Variants in GALNTL6 observed in about 807,000 individuals in gnomAD.
GALNTL6 encodes the protein polypeptide N-acetylgalactosaminyltransferase like 6, also known as polypeptide N-acetylgalactosaminyltransferase-like 6.
In GALNTL6, 46 loss-of-function variants were observed where a neutral mutation model predicts 73.7. The ratio of observed to expected loss-of-function variants is 0.62; its 90% confidence interval spans 0.49 to 0.80. GALNTL6 has a LOEUF of 0.80. Among genes scored for constraint, GALNTL6 ranks in the 30% least tolerant of loss-of-function variants. The pLI is 0.00. For synonymous variants in GALNTL6, 259 were observed against 263.7 expected (o/e 0.98, Z 0.17); for missense variants, 604 against 755.0 (o/e 0.80, Z 2.34).
chr4:172,304,732 T>C (rs1339762382), intron 3 of GALNTL6, among the ~76,000 whole-genome samples: 1 of 152,204 alleles, frequency 6.6e-6, no homozygotes, highest in Non-Finnish European at 1.5e-5. Flanking sequence ...TCTTAAGAGA[T>C]CTCTATTTAG....
intron 2 of GALNTL6, among the ~76,000 whole-genome samples, chr4:171,896,826 A>G (rs1031436506): frequency 2.6e-5 from 4 of 152,208 alleles, no homozygotes; most frequent in Non-Finnish European, 5.9e-5. Flanking sequence ...ACTGTAATCT[A>G]TTATACAACC....
intron 2 of GALNTL6, among the ~76,000 whole-genome samples, chr4:171,867,754 G>A (rs1736008421): frequency 6.6e-6 from 1 of 152,216 alleles, no homozygotes; most frequent in East Asian, 1.9e-4. Context: ...TTAAGACAGT[G>A]TTGGCATTAA....
At chr4:172,831,014 CAG>C (rs1742598572) in intron 7 of GALNTL6, among the ~76,000 whole-genome samples, 1 of 151,776 alleles carries the variant, frequency 6.6e-6, no homozygotes, top group South Asian at 2.1e-4. Flanking sequence ...CAAAAATTAA[CAG>C]GGCATGGTGG....
intron 9 of GALNTL6, among the ~76,000 whole-genome samples, chr4:172,935,092 A>G (rs990555702): frequency 6.6e-6 from 1 of 152,210 alleles, no homozygotes; most frequent in African/African-American, 2.4e-5. Flanking sequence ...CCAGCTGATT[A>G]TCACACAGCA....
intron 2 of GALNTL6, among the ~76,000 whole-genome samples, chr4:171,957,897 G>C (rs944638737): frequency 6.6e-6 from 1 of 152,132 alleles, no homozygotes; most frequent in Admixed American, 6.6e-5. Flanking sequence ...CTAACCTAAG[G>C]TATCCATTTT....
intron 5 of GALNTL6, among the ~76,000 whole-genome samples, chr4:172,568,553 G>A (rs1310124752): frequency 6.6e-6 from 1 of 151,718 alleles, no homozygotes; most frequent in Non-Finnish European, 1.5e-5. Flanking sequence ...TCAGGAGATT[G>A]AGACCATCCT....
intron 5 of GALNTL6, among the ~76,000 whole-genome samples, chr4:172,770,742 C>G (rs1275000494): frequency 1.3e-5 from 2 of 152,118 alleles, no homozygotes; most frequent in African/African-American, 4.8e-5. Flanking sequence ...TGAATAGCTT[C>G]CAGGAATAAA....
chr4:171,886,471 G>T (rs1025543715), intron 2 of GALNTL6, among the ~76,000 whole-genome samples: 1 of 117,656 alleles, frequency 8.5e-6, no homozygotes, highest in Admixed American at 7.8e-5. Flanking sequence ...GTGCATTTTA[G>T]TTTATGAGTA....
At chr4:172,856,518 G>C (rs78202055) in intron 7 of GALNTL6, among the ~76,000 whole-genome samples, 6,311 of 152,242 alleles carry the variant, frequency 0.041, 165 homozygotes, top group Middle Eastern at 0.11. Flanking sequence ...AACACAAGAA[G>C]TCAGGGCCAT....
intron 5 of GALNTL6, among the ~76,000 whole-genome samples, chr4:172,801,545 GA>G (rs1280089525): frequency 1.3e-5 from 2 of 151,912 alleles, no homozygotes; most frequent in Non-Finnish European, 2.9e-5. Context: ...GCCTTTTATA[GA>G]AAGAAGAACA....
chr4:172,617,457 T>C (rs1019447908), intron 5 of GALNTL6, among the ~76,000 whole-genome samples: 11 of 151,486 alleles, frequency 7.3e-5, no homozygotes, highest in African/African-American at 2.7e-4. Flanking sequence ...TTTATTTATT[T>C]ATTTATTTTA....
At chr4:172,402,364 A>T (rs1207511589) in intron 5 of GALNTL6, among the ~76,000 whole-genome samples, 1 of 152,110 alleles carries the variant, frequency 6.6e-6, no homozygotes, top group Non-Finnish European at 1.5e-5. Context: ...CTGTCATTTT[A>T]AAAGATAACA....
intron 4 of GALNTL6, among the ~76,000 whole-genome samples, chr4:172,333,421 A>T (rs1741200812): frequency 6.6e-6 from 1 of 152,130 alleles, no homozygotes; most frequent in Non-Finnish European, 1.5e-5. Context: ...AAAAAAATAA[A>T]AACAAAACAA....
At chr4:172,834,627 T>A (rs1306094249) in intron 7 of GALNTL6, among the ~76,000 whole-genome samples, 1 of 152,162 alleles carries the variant, frequency 6.6e-6, no homozygotes, top group African/African-American at 2.4e-5. Flanking sequence ...AAGACATCAA[T>A]CATGTCAGGG....
At chr4:171,957,755 G>T (rs887418103) in intron 2 of GALNTL6, among the ~76,000 whole-genome samples, 1 of 152,148 alleles carries the variant, frequency 6.6e-6, no homozygotes, top group Non-Finnish European at 1.5e-5. Context: ...TAAAGAGCAG[G>T]TGTACAATCC....
At chr4:172,207,064 C>G (rs147127783) in intron 2 of GALNTL6, among the ~76,000 whole-genome samples, 5,596 of 151,350 alleles carry the variant, frequency 0.037, 320 homozygotes, top group African/African-American at 0.12. Context: ...TGATCCGCCC[C>G]CCTTGGCCTC....
intron 2 of GALNTL6, among the ~76,000 whole-genome samples, chr4:171,959,868 G>A (rs1739170388): frequency 6.6e-6 from 1 of 152,096 alleles, no homozygotes; most frequent in African/African-American, 2.4e-5. Flanking sequence ...ACTCAACAAT[G>A]AAAAAACCAA....
intron 5 of GALNTL6, among the ~76,000 whole-genome samples, chr4:172,472,544 T>C (rs1318628973): frequency 6.6e-6 from 1 of 152,114 alleles, no homozygotes; most frequent in African/African-American, 2.4e-5. Context: ...TGTGACCTTA[T>C]TTGGAAACAG....
At chr4:172,912,003 G>A (rs1369606893) in intron 8 of GALNTL6, among the ~76,000 whole-genome samples, 1 of 151,916 alleles carries the variant, frequency 6.6e-6, no homozygotes, top group African/African-American at 2.4e-5. Flanking sequence ...TATTTTTCTG[G>A]TTGCCATTTT....
Sources: allele counts gnomAD v4.1 joint callset (sites outside exome capture counted in the v4.1 genomes callset), GRCh38; gene constraint gnomAD v4.1.1; transcripts MANE v1.5; gene names NCBI Gene and HGNC (gene_info 2026-07-23, HGNC 2026-07-21).